The following IFI16 variants were observed in gnomAD, a reference collection of about 807,000 sequenced individuals.
The protein encoded by IFI16 is gamma-interferon-inducible protein 16.
Under a neutral mutation model 68.4 loss-of-function variants are expected in IFI16, and 49 were observed. The ratio of observed to expected loss-of-function variants is 0.72; its 90% CI spans 0.57 to 0.91. IFI16 has a LOEUF of 0.91. IFI16 is among the 40% of genes least tolerant of loss of function. The pLI is 0.00. For synonymous variants in IFI16, 307 were observed against 315.0 expected (o/e 0.97, Z 0.27); for missense variants, 878 against 942.9 (o/e 0.93, Z 0.90).
At chr1:159,035,647 G>A (rs57106787) in intron 7 of IFI16, among the ~76,000 whole-genome samples, 150,332 of 152,284 alleles carry the variant, frequency 0.99, 74,227 homozygotes, top group East Asian at 1. Flanking sequence ...TGACTCGCAG[G>A]TGAGTATAGT....
At chr1:159,039,066 G>C (rs1654476455) in intron 7 of IFI16, among the ~76,000 whole-genome samples, 1 of 151,956 alleles carries the variant, frequency 6.6e-6, no homozygotes, top group South Asian at 2.1e-4. Flanking sequence ...AAACTGAGAG[G>C]GTTATTTAAC....
chr1:159,047,945 T>C (rs1357042095), intron 8 of IFI16, among the ~76,000 whole-genome samples: 1 of 148,492 alleles, frequency 6.7e-6, no homozygotes, highest in Non-Finnish European at 1.5e-5. Context: ...TTTAAAATAT[T>C]ATTCAAACAA....
At position 159,052,068 on chromosome 1, in the gene IFI16, TTTTGTGAATGGGGTG is replaced by T; in HGVS notation, c.2060_2074del (p.Val687_Phe691del). ...AGCTTTGCTCACAAACTAAAGGAAG[TTTTGTGAATGGGGTG>T]TTTGAGGTACATAAGGTAAGCCCAC... On this transcript the variant is annotated inframe_deletion, in exon 10 of 12. Transcript: ENST00000295809. The T allele has an allele frequency of 1.2e-6, 2 of 1,612,958 alleles. No homozygotes were observed. Among genetic ancestry groups the T allele is most frequent in the Non-Finnish European group, 1.7e-6 (2 of 1,179,796 alleles).
upstream of IFI16, among the ~76,000 whole-genome samples, chr1:159,003,051 C>A (rs1268325832): frequency 6.6e-6 from 1 of 152,178 alleles, no homozygotes. Flanking sequence ...TTTCAAAATC[C>A]AAGGCATTAT....
chr1:159,015,878 G>A lies in IFI16; in HGVS notation c.272G>A (p.Gly91Glu), dbSNP rs142497515. 3.1e-6 allele frequency: 5 copies of A among 1,610,974 alleles called. No individual in the cohort carries two copies. In the African/African-American group the frequency reaches 6.7e-5, roughly 21 times the overall value. Residue 91 changes from glycine (G) to glutamate (E), a missense_variant, in exon 3 of 12, where the codon GGA becomes GAA. Transcript: ENST00000295809. ...TLKKEKLKVKGPALSRKRKKE... is the reference protein window; with the variant it reads ...TLKKEKLKVKEPALSRKRKKE... The stretch of plus-strand genomic sequence containing the variant: ...AAAATTGAATCTATTCCAGTAAAAG[G>A]ACCAGCCCTATCAAGAAAGAGGAAG...
At chr1:159,045,539 C>A in intron 8 of IFI16, 75 bp downstream of exon 8, 1 of 1,550,394 alleles carries the variant, frequency 6.4e-7, no homozygotes, top group Non-Finnish European at 8.8e-7. Flanking sequence ...CTTGAAAGCA[C>A]CTCACCAATC....
intron 7 of IFI16, among the ~76,000 whole-genome samples, chr1:159,043,233 A>C (rs1654776322): frequency 6.6e-6 from 1 of 152,256 alleles, no homozygotes; most frequent in Admixed American, 6.5e-5. Flanking sequence ...CATCAAGGCC[A>C]CAGGTAGAGC....
intron 6 of IFI16, among the ~76,000 whole-genome samples, chr1:159,029,515 G>A (rs1653871831): frequency 2.0e-5 from 3 of 152,098 alleles, no homozygotes; most frequent in Admixed American, 6.5e-5. Context: ...TGAGCTTCTC[G>A]TATTTGGATG....
intron 6 of IFI16, among the ~76,000 whole-genome samples, chr1:159,024,081 C>T (rs1451550674): frequency 1.3e-5 from 2 of 152,172 alleles, no homozygotes; most frequent in South Asian, 4.1e-4. Flanking sequence ...GGCTACCATG[C>T]GTACAAGCGT....
chr1:159,032,707 T>C lies in IFI16; in HGVS notation c.1329+16T>C, dbSNP rs185043147. 6.4e-7 allele frequency: 1 copy of C among 1,564,294 alleles called. No individual in the cohort carries two copies. Among genetic ancestry groups the C allele is most frequent in the Non-Finnish European group, 8.6e-7 (1 of 1,158,840 alleles). ...CTTCACCAAGGTACAATTTCCTGGG[T>C]CCCATGCCTCATGTCTCCCCACCAT... On this transcript the variant is annotated intron_variant, in intron 7 of 11. Coordinates refer to ENST00000295809, the MANE Select transcript of IFI16 (RefSeq NM_001376587.1).
At chr1:159,026,298 CT>C (rs58483921) in intron 6 of IFI16, among the ~76,000 whole-genome samples, 102,975 of 115,012 alleles carry the variant, frequency 0.9, 46,129 homozygotes, top group East Asian at 0.96. Context: ...TTATTTCTTT[CT>C]TTTTTTTTTT....
intron 7 of IFI16, among the ~76,000 whole-genome samples, chr1:159,033,764 A>G (rs1025515569): frequency 1.3e-5 from 2 of 152,244 alleles, no homozygotes; most frequent in African/African-American, 4.8e-5. Context: ...TAACAGTTAC[A>G]TAGCCCACGC....
chr1:159,016,008 C>T (rs762450597), intron 3 of IFI16, 21 bp downstream of exon 3: 37 of 1,533,180 alleles, frequency 2.4e-5, no homozygotes, highest in Non-Finnish European at 3.0e-5. Context: ...GGAAGAGGAG[C>T]AGGCTTCAAG....
chr1:159,006,787 T>C (rs1652276388), upstream of IFI16, among the ~76,000 whole-genome samples: 1 of 152,206 alleles, frequency 6.6e-6, no homozygotes, highest in Non-Finnish European at 1.5e-5. Flanking sequence ...GATAACCACC[T>C]GTTTAACTAC....
intron 5 of IFI16, 137 bp downstream of exon 5, chr1:159,018,788 G>A: frequency 1.5e-6 from 1 of 651,524 alleles, no homozygotes; most frequent in South Asian, 2.0e-5. Context: ...GGTGGATAAA[G>A]ACTTCTCTGA....
At chr1:159,022,911 G>A (rs1282236488) in intron 6 of IFI16, among the ~76,000 whole-genome samples, 2 of 152,080 alleles carry the variant, frequency 1.3e-5, no homozygotes, top group Non-Finnish European at 2.9e-5. Context: ...CTTTAAACTT[G>A]TTTAATATGT....
intron 4 of IFI16, 136 bp downstream of exon 4, chr1:159,016,836 G>C (rs887934892): frequency 2.2e-5 from 17 of 782,394 alleles, no homozygotes; most frequent in Non-Finnish European, 3.6e-5. Flanking sequence ...ACTACATTTT[G>C]ATCTTTTGCT....
rs562076111 is a variant in IFI16, at chr1:159,039,366, G to C, written c.1330-5931G>C. 2.0e-5 allele frequency among the ~76,000 whole-genome samples: 3 copies of C among 152,254 alleles called. No individual in the cohort carries two copies. The South Asian group carries it at 6.2e-4, about 32-fold the overall frequency. ...ATTAGGTTTTTGTTTGTTTGTTTGA[G>C]ATAGAGTCTCGCTGTCACCCAGGAT... is the stretch of plus-strand genomic sequence containing the variant. On this transcript the variant is annotated intron_variant, in intron 7 of 11. Coordinates refer to ENST00000295809, the MANE Select transcript of IFI16 (RefSeq NM_001376587.1).
intron 6 of IFI16, among the ~76,000 whole-genome samples, chr1:159,022,723 G>A (rs1485293916): frequency 6.6e-6 from 1 of 152,216 alleles, no homozygotes; most frequent in African/African-American, 2.4e-5. Context: ...TGGGAGCTAA[G>A]AACATAAAGT....
Sources: gnomAD v4.1 joint callset for allele counts (sites outside exome capture counted in the v4.1 genomes callset) on GRCh38, gnomAD v4.1.1 for gene constraint, MANE v1.5 for transcripts, NCBI Gene and HGNC (gene_info 2026-07-23, HGNC 2026-07-21) for gene names.